TTC29: variants seen among roughly 807,000 people sequenced by gnomAD.
TTC29 encodes tetratricopeptide repeat protein 29.
In TTC29, 49 loss-of-function variants were observed where a neutral mutation model predicts 58.1. That is an observed-to-expected ratio of 0.84 (90% CI 0.67 to 1.07). TTC29 has a LOEUF of 1.07. Ranked by LOEUF, TTC29 falls within the 50% of genes least tolerant of loss-of-function variation. The pLI is 0.00. For synonymous variants in TTC29, 209 were observed against 196.8 expected (o/e 1.06, Z -0.52); for missense variants, 582 against 555.6 (o/e 1.05, Z -0.48).
intron 7 of TTC29, among the ~76,000 whole-genome samples, chr4:146,873,942 CCT>C (rs1731092729): frequency 6.6e-6 from 1 of 152,096 alleles, no homozygotes; most frequent in Non-Finnish European, 1.5e-5. Context: ...ATCTTTTTCT[CCT>C]TCCTGAAAAG....
intron 7 of TTC29, among the ~76,000 whole-genome samples, chr4:146,874,493 T>C (rs1000613674): frequency 1.3e-5 from 2 of 152,146 alleles, no homozygotes; most frequent in Non-Finnish European, 2.9e-5. Flanking sequence ...CCCAGCGGAT[T>C]GTAATTTTGG....
intron 8 of TTC29, among the ~76,000 whole-genome samples, chr4:146,850,705 A>G (rs1194409604): frequency 6.6e-6 from 1 of 152,234 alleles, no homozygotes; most frequent in Non-Finnish European, 1.5e-5. Context: ...TATGTAACAT[A>G]TTACAAAAAA....
At chr4:146,809,456 C>T (rs1175853520) in intron 10 of TTC29, among the ~76,000 whole-genome samples, 4 of 149,944 alleles carry the variant, frequency 2.7e-5, no homozygotes, top group South Asian at 2.1e-4. Context: ...AGACAACCTA[C>T]AGAATGGGAG....
intron 5 of TTC29, among the ~76,000 whole-genome samples, chr4:146,908,032 G>A (rs35825748): frequency 7.2e-5 from 11 of 151,946 alleles, no homozygotes; most frequent in Admixed American, 7.2e-4. Flanking sequence ...CATAAGTCAG[G>A]TCACAACCTG....
intron 10 of TTC29, among the ~76,000 whole-genome samples, chr4:146,818,189 C>A (rs1161506670): frequency 6.6e-6 from 1 of 152,118 alleles, no homozygotes; most frequent in South Asian, 2.1e-4. Flanking sequence ...ACTCATCTGA[C>A]AAAGGGCTAA....
chr4:146,892,315 C>T (rs182052170), intron 6 of TTC29, among the ~76,000 whole-genome samples: 2 of 152,262 alleles, frequency 1.3e-5, no homozygotes, highest in African/African-American at 2.4e-5. Context: ...GTCTGTGGAA[C>T]TGTGAGTCAA....
intron 9 of TTC29, chr4:146,831,744 A>G (rs1728177640): frequency 4.4e-6 from 2 of 452,530 alleles, no homozygotes; most frequent in South Asian, 3.1e-5. Flanking sequence ...AATATTCCAG[A>G]TAAGAAGCAA....
At chr4:146,831,100 G>A (rs563009204) in intron 9 of TTC29, among the ~76,000 whole-genome samples, 1 of 152,254 alleles carries the variant, frequency 6.6e-6, no homozygotes, top group African/African-American at 2.4e-5. Context: ...GGATTGGAAA[G>A]CTGGTTGTAG....
At chr4:146,732,906 C>T (rs1026482994) in intron 11 of TTC29, among the ~76,000 whole-genome samples, 7 of 151,996 alleles carry the variant, frequency 4.6e-5, no homozygotes, top group African/African-American at 1.7e-4. Flanking sequence ...AACTTTAGGC[C>T]CAAAGGTGTC....
At chr4:146,728,660 C>CTA (rs1370053005) in intron 11 of TTC29, among the ~76,000 whole-genome samples, 33 of 146,962 alleles carry the variant, frequency 2.2e-4, no homozygotes, top group Admixed American at 1.0e-3. Context: ...CTCTCTCTCT[C>CTA]TATATATATA....
chr4:146,874,488 C>A (rs60483316), intron 7 of TTC29, among the ~76,000 whole-genome samples: 9 of 152,176 alleles, frequency 5.9e-5, no homozygotes, highest in East Asian at 5.8e-4. Flanking sequence ...CTACCCCCAG[C>A]GGATTGTAAT....
intron 11 of TTC29, among the ~76,000 whole-genome samples, chr4:146,715,001 TAA>T (rs1024731628): frequency 2.7e-5 from 4 of 147,360 alleles, no homozygotes; most frequent in African/African-American, 9.9e-5. Flanking sequence ...TCTGGCTAAT[TAA>T]AAAAAAAAAA....
At chr4:146,914,967 C>T (rs984781679) in intron 4 of TTC29, among the ~76,000 whole-genome samples, 1 of 152,092 alleles carries the variant, frequency 6.6e-6, no homozygotes. Context: ...TTTTAAAATT[C>T]TGCCTTAAAC....
chr4:146,791,362 T>G lies in TTC29; in HGVS notation c.1330+12095A>C, dbSNP rs143170846. On this transcript the variant is annotated intron_variant, in intron 11 of 12. Coordinates refer to ENST00000325106, the MANE Select transcript of TTC29 (RefSeq NM_031956.4). ...CAGTATTTCAAACTTACTATTAATA[T>G]TATTATCATTACATCTGTTATGGTG... 4.5e-3 allele frequency among the ~76,000 whole-genome samples: 683 copies of G among 152,310 alleles called. 5 individuals are homozygous for G. The highest frequency in any genetic ancestry group is 7.5e-3 in the Non-Finnish European group (512 of 68,020).
chr4:146,760,748 A>G (rs1369312858), intron 11 of TTC29, among the ~76,000 whole-genome samples: 2 of 120,334 alleles, frequency 1.7e-5, no homozygotes, highest in Non-Finnish European at 3.4e-5. Flanking sequence ...ATATACATAT[A>G]TATGTGTATA....
chr4:146,855,629 A>G (rs1024501332), intron 8 of TTC29, among the ~76,000 whole-genome samples: 3 of 152,154 alleles, frequency 2.0e-5, no homozygotes, highest in Non-Finnish European at 4.4e-5. Flanking sequence ...CTATTTTTAA[A>G]TCCTAGCATA....
At chr4:146,754,209 T>C (rs1191061899) in intron 11 of TTC29, among the ~76,000 whole-genome samples, 1 of 151,880 alleles carries the variant, frequency 6.6e-6, no homozygotes, top group Admixed American at 6.6e-5. Flanking sequence ...CAAACAATTA[T>C]ATGTCAATAC....
chr4:146,934,681 G>GC (rs200643876), intron 4 of TTC29, among the ~76,000 whole-genome samples: 11,349 of 152,112 alleles, frequency 0.075, 1,446 homozygotes, highest in African/African-American at 0.26. Context: ...GAAAGAGAAA[G>GC]CAGCCTGCAA....
intron 11 of TTC29, among the ~76,000 whole-genome samples, chr4:146,761,149 G>A (rs1260027763): frequency 1.3e-5 from 2 of 151,676 alleles, no homozygotes; most frequent in South Asian, 2.1e-4. Context: ...TGCAGTGTTA[G>A]GTGCATCAAA....
Sources: allele counts gnomAD v4.1 joint callset (sites outside exome capture counted in the v4.1 genomes callset), GRCh38; gene constraint gnomAD v4.1.1; transcripts MANE v1.5; gene names NCBI Gene and HGNC (gene_info 2026-07-23, HGNC 2026-07-21).